The following ABAT variants were observed in gnomAD, a reference collection of about 807,000 sequenced individuals.
ABAT encodes the protein 4-aminobutyrate aminotransferase.
Under a neutral mutation model 64.6 loss-of-function variants are expected in ABAT, and 45 were observed. That is an observed-to-expected ratio of 0.70 (90% confidence interval 0.55 to 0.89). The LOEUF (loss-of-function observed/expected upper bound fraction) is 0.89. Among genes scored for constraint, ABAT ranks in the 40% least tolerant of loss-of-function variants. The pLI is 0.00. For missense variants in ABAT, 633 were observed against 658.4 expected (o/e 0.96, Z 0.42); for synonymous variants, 297 against 250.5 (o/e 1.19, Z -1.75).
chr16:8,749,323 C>T (rs997163952), intron 4 of ABAT, among the ~76,000 whole-genome samples: 5 of 144,592 alleles, frequency 3.5e-5, no homozygotes, highest in African/African-American at 1.0e-4. Context: ...CTGCTGACCT[C>T]GTGATCCACC....
intron 1 of ABAT, among the ~76,000 whole-genome samples, chr16:8,719,405 G>T (rs150908614): frequency 0.014 from 2,065 of 152,262 alleles, 43 homozygotes; most frequent in African/African-American, 0.047. Flanking sequence ...AAGGCTATCT[G>T]TGTCTCACAT....
chr16:8,752,760 C>A (rs1015389414), intron 5 of ABAT, among the ~76,000 whole-genome samples: 1 of 152,190 alleles, frequency 6.6e-6, no homozygotes, highest in Admixed American at 6.5e-5. Context: ...AGTGCAAGAC[C>A]CTGTCTCAGT....
At chr16:8,729,776 A>T (rs890782852) in intron 1 of ABAT, among the ~76,000 whole-genome samples, 1 of 151,326 alleles carries the variant, frequency 6.6e-6, no homozygotes, top group East Asian at 2.0e-4. Flanking sequence ...GCAGTGAGCA[A>T]TGATCACGCC....
chr16:8,682,350 T>G (rs375223854), intron 1 of ABAT, among the ~76,000 whole-genome samples: 220 of 152,290 alleles, frequency 1.4e-3, no homozygotes, highest in African/African-American at 5.1e-3. Context: ...TGTGAATGAA[T>G]GGATGAATAA....
Position 8,694,158 on chromosome 16 carries a change from T to C in ABAT, c.-42+19447T>C, listed in dbSNP as rs184812188. Among the ~76,000 whole-genome samples the C allele has an allele frequency of 9.0e-3, 1,351 of 150,168 alleles. 27 individuals carry two copies. Among genetic ancestry groups the C allele is most frequent in the African/African-American group, 0.032 (1,292 of 40,910 alleles). On this transcript the variant is annotated intron_variant, in intron 1 of 15. Transcript: ENST00000268251. The stretch of plus-strand genomic sequence containing the variant: ...CATTCTCCTGCCTCAGCTTCCCGAG[T>C]AGCTGGGACTACAGGCGCCCGCCAC...
At chr16:8,752,985 C>G (rs2059535853) in intron 5 of ABAT, among the ~76,000 whole-genome samples, 1 of 152,110 alleles carries the variant, frequency 6.6e-6, no homozygotes, top group African/African-American at 2.4e-5. Flanking sequence ...CTCCAGTTGA[C>G]TGATGGGCCC....
At chr16:8,690,564 G>A (rs2057556119) in intron 1 of ABAT, among the ~76,000 whole-genome samples, 1 of 152,174 alleles carries the variant, frequency 6.6e-6, no homozygotes. Context: ...AACATTTCTG[G>A]GGAGTAGGAC....
At chr16:8,743,317 TC>T (rs2059218429) in intron 2 of ABAT, among the ~76,000 whole-genome samples, 1 of 41,390 alleles carries the variant, frequency 2.4e-5, no homozygotes, top group Non-Finnish European at 4.4e-5. Flanking sequence ...CATGTGTGTC[TC>T]TGTGTGTGTG....
chr16:8,767,820 C>CA (rs1246737277), intron 9 of ABAT, among the ~76,000 whole-genome samples: 1 of 151,898 alleles, frequency 6.6e-6, no homozygotes, highest in Non-Finnish European at 1.5e-5. Context: ...GGATTACAGG[C>CA]CCCCACCACC....
At chr16:8,683,563 AGAGAG>A (rs1223768420) in intron 1 of ABAT, 1 of 148,076 alleles carries the variant, frequency 6.8e-6, no homozygotes, top group Non-Finnish European at 1.5e-5. Context: ...AAAAAAAAAA[AGAGAG>A]AGAGAGAGAG....
At chr16:8,727,088 A>G (rs1053758137) in intron 1 of ABAT, among the ~76,000 whole-genome samples, 2 of 152,138 alleles carry the variant, frequency 1.3e-5, no homozygotes, top group African/African-American at 4.8e-5. Flanking sequence ...TATTCTGGTT[A>G]TTAATCCCTT....
At chr16:8,717,624 A>ATCCATCAGGCACCTCTT (rs993026364) in intron 1 of ABAT, among the ~76,000 whole-genome samples, 2 of 152,086 alleles carry the variant, frequency 1.3e-5, no homozygotes, top group Admixed American at 6.5e-5. Context: ...CTCCCAATCA[A>ATCCATCAGGCACCTCTT]TCCATCAGGC....
In ABAT at chr16:8,776,274, G is replaced by T. The variant is rs951029826; in HGVS notation, c.1123-70G>T. 2 of 1,608,888 alleles carry T rather than the reference G, an allele frequency of 1.2e-6. No homozygotes were observed. The highest frequency in any genetic ancestry group is 1.7e-6 in the Non-Finnish European group (2 of 1,177,114). ...TCCTCTTCAAGAGAGGAGGCGGGGC[G>T]CCTGGGGTAAGTGACTCCTGCAGGG... On this transcript the variant is annotated intron_variant, in intron 13 of 15. Coordinates refer to ENST00000268251, the MANE Select transcript of ABAT (RefSeq NM_020686.6). The surrounding 1 kb of genome is among the most constrained non-coding windows in gnomAD (Gnocchi z 4.4).
At chr16:8,749,928 TG>T (rs1318942972) in intron 4 of ABAT, among the ~76,000 whole-genome samples, 1 of 152,040 alleles carries the variant, frequency 6.6e-6, no homozygotes, top group African/African-American at 2.4e-5. Context: ...TTGCCCACGC[TG>T]GTCTTGATCT....
rs1361927681 is a variant in ABAT at position 8,776,723 on chromosome 16, T to A, written c.1269+233T>A. On this transcript the variant is annotated intron_variant, in intron 14 of 15. Coordinates refer to ENST00000268251, the MANE Select transcript of ABAT (RefSeq NM_020686.6). The surrounding 1 kb of genome is among the most constrained non-coding windows in gnomAD (Gnocchi z 4.4). Reference sequence around the variant, plus strand: ...ATTCCTGAACTCCTGGTTTTCTTTGTTGTTGTTTTTTTTAATTTATTTTTT... The same window carrying A: ...ATTCCTGAACTCCTGGTTTTCTTTGATGTTGTTTTTTTTAATTTATTTTTT... Among the ~76,000 whole-genome samples, 1 of 152,144 alleles carries A rather than the reference T, an allele frequency of 6.6e-6. No individual in the cohort carries two copies. Among genetic ancestry groups the A allele is most frequent in the Non-Finnish European group, 1.5e-5 (1 of 68,034 alleles).
At chr16:8,706,536 A>G (rs2057949816) in intron 1 of ABAT, among the ~76,000 whole-genome samples, 1 of 152,098 alleles carries the variant, frequency 6.6e-6, no homozygotes, top group Non-Finnish European at 1.5e-5. Flanking sequence ...CAACATGGTG[A>G]AACCCCATCT....
chr16:8,748,481 T>A (rs773178124), intron 4 of ABAT, among the ~76,000 whole-genome samples: 1 of 152,206 alleles, frequency 6.6e-6, no homozygotes, highest in Non-Finnish European at 1.5e-5. Flanking sequence ...ATATTCCATA[T>A]GTACTTGAGA....
At chr16:8,702,311 G>A (rs2057841701) in intron 1 of ABAT, among the ~76,000 whole-genome samples, 1 of 151,756 alleles carries the variant, frequency 6.6e-6, no homozygotes, top group Non-Finnish European at 1.5e-5. Context: ...GGAGTGCAAT[G>A]GCACGATCTT....
intron 1 of ABAT, among the ~76,000 whole-genome samples, chr16:8,708,525 T>C (rs981446011): frequency 6.6e-6 from 1 of 152,166 alleles, no homozygotes; most frequent in Non-Finnish European, 1.5e-5. Flanking sequence ...GGTCTTGAAC[T>C]CCTGAGCTCA....
Sources: gnomAD v4.1 joint callset for allele counts (sites outside exome capture counted in the v4.1 genomes callset) on GRCh38, gnomAD v4.1.1 for gene constraint, Gnocchi (gnomAD v3.1) non-coding constraint, MANE v1.5 for transcripts, NCBI Gene and HGNC (gene_info 2026-07-23, HGNC 2026-07-21) for gene names.